CTPS1: variants seen among roughly 807,000 people sequenced by gnomAD.
CTPS1 encodes the protein CTP synthase 1, also known as CTP synthetase 1.
CTPS1 carries 25 observed loss-of-function variants against 80.5 expected under a neutral mutation model. The ratio of observed to expected loss-of-function variants is 0.31; its 90% CI spans 0.23 to 0.43. The LOEUF (loss-of-function observed/expected upper bound fraction) is 0.43, where lower values mean the gene tolerates loss of function less well. Ranked by LOEUF, CTPS1 falls within the 20% of genes least tolerant of loss-of-function variation. CTPS1 has a pLI of 1.00. For synonymous variants in CTPS1, 267 were observed against 252.5 expected (o/e 1.06, Z -0.54); for missense variants, 442 against 725.7 (o/e 0.61, Z 4.49).
At chr1:41,008,430 T>G (rs1643088764) in intron 14 of CTPS1, among the ~76,000 whole-genome samples, 2 of 151,796 alleles carry the variant, frequency 1.3e-5, no homozygotes, top group Admixed American at 1.3e-4. Context: ...GTGGTGAGAG[T>G]CTTGTTTCTG....
chr1:41,009,013 A>T, intron 16 of CTPS1, 123 bp downstream of exon 16: 1 of 788,304 alleles, frequency 1.3e-6, no homozygotes, highest in Non-Finnish European at 2.1e-6. Flanking sequence ...GCACTGTCTC[A>T]TGAGGGAAGG....
Position 40,991,160 on chromosome 1 carries a change from A to G in CTPS1, c.556-5A>G. 2 of 1,572,794 alleles carry G rather than the reference A, an allele frequency of 1.3e-6. No homozygotes were observed. Among genetic ancestry groups the G allele is most frequent in the Non-Finnish European group, 8.6e-7 (1 of 1,167,632 alleles). The stretch of plus-strand genomic sequence containing the variant: ...ACTTTTTTTTTTTTTTCTTTTGTGA[A>G]ATAGCCAAGTTCAACAGGGGAACAG... On this transcript the variant is annotated splice_polypyrimidine_tract_variant and splice_region_variant and intron_variant, in intron 5 of 18. Coordinates refer to ENST00000650070, the MANE Select transcript of CTPS1 (RefSeq NM_001905.4).
At chr1:41,003,076 CA>C in intron 11 of CTPS1, 37 bp from the exon 12 acceptor site, 1 of 1,611,682 alleles carries the variant, frequency 6.2e-7, no homozygotes, top group Non-Finnish European at 8.5e-7. Flanking sequence ...GCTGCCTTTT[CA>C]ATGGAGTTTT....
At chr1:40,984,251 A>G (rs1479725314) in intron 2 of CTPS1, among the ~76,000 whole-genome samples, 1 of 152,144 alleles carries the variant, frequency 6.6e-6, no homozygotes, top group Non-Finnish European at 1.5e-5. Context: ...TCCTATTGTG[A>G]TGGTAGGAAT....
At position 40,980,878 on chromosome 1, in the gene CTPS1, C is replaced by G. The variant is rs75570883; in HGVS notation, c.-14+1049C>G. ...TCCCCCTCACGGCCTTACCTCTGTT[C>G]TCTGTAGCTGCCCTGCACCTGCCTG... On this transcript the variant is annotated intron_variant, in intron 1 of 18. Coordinates refer to ENST00000650070, the MANE Select transcript of CTPS1 (RefSeq NM_001905.4). The G allele has an allele frequency of 3.3e-5, 5 of 153,206 alleles. No individual in the cohort carries two copies. In the South Asian group the frequency reaches 6.2e-4, roughly 19 times the overall value. The allele number at this position is 153,206 out of a possible 1,614,324, so 9.5% of individuals were successfully genotyped here.
chr1:40,984,864 C>G lies in CTPS1; in HGVS notation c.210C>G (p.Asp70Glu). Residue 70 changes from aspartate (D) to glutamate (E), a missense_variant, in exon 3 of 19, where the codon GAC becomes GAG. Physicochemically the swap from Asp to Glu is conservative, Grantham distance 45 (BLOSUM62 2). Transcript: ENST00000650070. ...VLDDGGEVDL[D>E]LGNYERFLDI... ...ATGATGGTGGGGAAGTAGACCTTGA[C>G]CTGGGTAACTATGAGCGGTTCCTTG... 6.3e-7 allele frequency: 1 copy of G among 1,594,368 alleles called. No individual in the cohort carries two copies.
At chr1:40,987,799 C>G (rs546374738) in intron 4 of CTPS1, among the ~76,000 whole-genome samples, 1 of 152,196 alleles carries the variant, frequency 6.6e-6, no homozygotes, top group South Asian at 2.1e-4. Context: ...CATTCGTCTC[C>G]GAATGAGCTT....
intron 9 of CTPS1, among the ~76,000 whole-genome samples, chr1:40,999,974 A>AC (rs542566389): frequency 6.6e-6 from 1 of 152,042 alleles, no homozygotes; most frequent in East Asian, 1.9e-4. Flanking sequence ...ACATAGCGAG[A>AC]CCCCCGTCTC....
intron 13 of CTPS1, among the ~76,000 whole-genome samples, chr1:41,006,707 G>T (rs566171941): frequency 6.6e-6 from 1 of 152,184 alleles, no homozygotes; most frequent in Non-Finnish European, 1.5e-5. Context: ...AAAGGGAAGG[G>T]CACTTATTTA....
At position 40,995,980 on chromosome 1, in the gene CTPS1, G is replaced by A. The variant is rs752105512; in HGVS notation, c.784G>A (p.Val262Ile). Reference protein sequence around the residue: ...RVPLLLEEQGVVDYFLRRLDL... With the variant: ...RVPLLLEEQGIVDYFLRRLDL... Reference sequence around the variant, plus strand: ...CCCCTTGTTGTTAGAGGAGCAAGGGGTTGTAGATTATTTTCTTCGAAGACT... The same window carrying A: ...CCCCTTGTTGTTAGAGGAGCAAGGGATTGTAGATTATTTTCTTCGAAGACT... The change falls in exon 8 of 19, where the codon GTT becomes ATT. Residue 262 changes from valine (V) to isoleucine (I), a missense_variant. By Grantham distance (29) the Val-to-Ile change is conservative. Around this residue, in one of 4 missense-constraint regions of CTPS1, gnomAD observed 321 missense variants for 467.2 expected, o/e 0.69. Transcript: ENST00000650070. 1.9e-6 allele frequency: 3 copies of A among 1,614,130 alleles called. No individual in the cohort carries two copies. The highest frequency in any genetic ancestry group is 2.2e-5 in the South Asian group (2 of 91,088).
Position 41,012,124 on chromosome 1 carries a change from C to T in CTPS1, c.*476C>T, listed in dbSNP as rs180749163. On this transcript the variant is annotated 3_prime_UTR_variant, in exon 19 of 19. Coordinates refer to ENST00000650070, the MANE Select transcript of CTPS1 (RefSeq NM_001905.4). Reference sequence around the variant, plus strand: ...ATTGCTTGCCACTAAGCCATGAAACCAGAGACAAAATCTCTATACTGCCCT... The same window carrying T: ...ATTGCTTGCCACTAAGCCATGAAACTAGAGACAAAATCTCTATACTGCCCT... The T allele has an allele frequency of 6.6e-6, 1 of 152,268 alleles. No homozygotes were observed. The highest frequency in any genetic ancestry group is 2.4e-5 in the African/African-American group (1 of 41,530). The allele number at this position is 152,268 out of a possible 1,614,324, so 9.4% of individuals were successfully genotyped here. A position where few individuals can be genotyped will look rare whatever the true frequency, so the allele number is the denominator to read the frequency against.
At chr1:41,008,738 C>CTCTGGAAAGATAGTGAGCTGAGAG in intron 15 of CTPS1, 24 bp downstream of exon 15, 1 of 1,613,842 alleles carries the variant, frequency 6.2e-7, no homozygotes, top group Non-Finnish European at 8.5e-7. Context: ...CTTGCTGGTA[C>CTCTGGAAAGATAGTGAGCTGAGAG]TCTGGAAAGA....
chr1:40,995,970 G>A lies in CTPS1; in HGVS notation c.774G>A (p.Glu258=). The part of the protein sequence containing the change: ...SSIYRVPLLL[E]EQGVVDYFLR... ...TCTACCGAGTCCCCTTGTTGTTAGA[G>A]GAGCAAGGGGTTGTAGATTATTTTC... Residue 258 remains glutamate, a synonymous_variant, in exon 8 of 19, where the codon GAG becomes GAA. Coordinates refer to ENST00000650070, the MANE Select transcript of CTPS1 (RefSeq NM_001905.4). 1 of 1,614,100 alleles carries A rather than the reference G, an allele frequency of 6.2e-7. No homozygotes were observed. The highest frequency in any genetic ancestry group is 8.5e-7 in the Non-Finnish European group (1 of 1,179,942).
intron 9 of CTPS1, among the ~76,000 whole-genome samples, chr1:40,998,961 AT>A (rs1477759553): frequency 6.6e-6 from 1 of 152,122 alleles, no homozygotes; most frequent in Non-Finnish European, 1.5e-5. Flanking sequence ...CATTTATTTT[AT>A]CCACTTGGAG....
chr1:40,997,493 T>G lies in CTPS1; in HGVS notation c.972T>G (p.Ser324=), dbSNP rs750711063. ...CTGTCATTAAGGCTCTGGAGCATTC[T>G]GCACTGGCCATCAACCACAAATTGG... is the stretch of plus-strand genomic sequence containing the variant. The part of the protein sequence containing the change: ...YASVIKALEH[S]ALAINHKLEI... Residue 324 remains serine, a synonymous_variant, in exon 9 of 19, where the codon TCT becomes TCG. Transcript: ENST00000650070. 1 of 1,614,160 alleles carries G rather than the reference T, an allele frequency of 6.2e-7. No individual in the cohort carries two copies. The highest frequency in any genetic ancestry group is 2.2e-5 in the East Asian group (1 of 44,878).
intron 8 of CTPS1, among the ~76,000 whole-genome samples, chr1:40,996,839 C>T (rs1017512593): frequency 5.3e-5 from 8 of 152,050 alleles, no homozygotes; most frequent in African/African-American, 1.9e-4. Flanking sequence ...GTGGACTTTT[C>T]TATTTTGTGA....
intron 4 of CTPS1, among the ~76,000 whole-genome samples, chr1:40,987,969 G>T (rs956176541): frequency 1.3e-5 from 2 of 152,090 alleles, no homozygotes; most frequent in South Asian, 4.1e-4. Context: ...CTGGAGTCCA[G>T]TGCAGCAGTC....
intron 3 of CTPS1, among the ~76,000 whole-genome samples, chr1:40,987,000 T>C (rs1642471934): frequency 6.6e-6 from 1 of 152,170 alleles, no homozygotes; most frequent in African/African-American, 2.4e-5. Flanking sequence ...CCCAGAAGTC[T>C]CTTGTTCCTG....
chr1:40,986,083 G>A (rs1357091676), intron 3 of CTPS1, among the ~76,000 whole-genome samples: 1 of 152,236 alleles, frequency 6.6e-6, no homozygotes, highest in Non-Finnish European at 1.5e-5. Context: ...CATGTGATGA[G>A]CAAGACCAGA....
Sources: allele counts gnomAD v4.1 joint callset (sites outside exome capture counted in the v4.1 genomes callset), GRCh38; gene constraint gnomAD v4.1.1; regional missense constraint gnomAD v4.1.1; transcripts MANE v1.5; gene names NCBI Gene and HGNC (gene_info 2026-07-23, HGNC 2026-07-21).